The following RETNLB variants were observed in gnomAD, a reference collection of about 807,000 sequenced individuals.
RETNLB encodes the protein resistin-like beta.
Under a neutral mutation model 6.8 loss-of-function variants are expected in RETNLB, and 11 were observed. The observed-to-expected ratio is 1.62, with a 90% CI of 1.02 to 2.68. The LOEUF is 2.68. Ranked by LOEUF, RETNLB falls within the 30% of genes most tolerant of loss-of-function variation. The pLI is 0.00. For missense variants in RETNLB, 146 were observed against 135.7 expected (o/e 1.08, Z -0.38); for synonymous variants, 57 against 54.2 (o/e 1.05, Z -0.23).
At position 108,755,908 on chromosome 3, in the gene RETNLB, G is replaced by A; in HGVS notation, c.209-3C>T. 6.2e-7 allele frequency: 1 copy of A among 1,614,158 alleles called. No homozygotes were observed. Among genetic ancestry groups the A allele is most frequent in the Non-Finnish European group, 8.5e-7 (1 of 1,180,028 alleles). On this transcript the variant is annotated splice_region_variant and splice_polypyrimidine_tract_variant and intron_variant, in intron 2 of 2. Transcript: ENST00000295755. ...AGCACAGCCAGTGACAGCCATCCCT[G>A]CATGAGCACATGAAGCACAGACATC...
intron 2 of RETNLB, 61 bp downstream of exon 2, chr3:108,756,447 A>C: frequency 1.8e-6 from 2 of 1,105,856 alleles, no homozygotes; most frequent in Non-Finnish European, 2.8e-6. Context: ...AGGTGCAGGG[A>C]GATGGACAGG....
At chr3:108,755,954 G>A in intron 2 of RETNLB, 49 bp from the exon 3 acceptor site, 2 of 1,612,152 alleles carry the variant, frequency 1.2e-6, no homozygotes, top group Non-Finnish European at 1.7e-6. Context: ...GAATTTAAGA[G>A]GAGGAAGGGC....
rs75657243 is a variant in RETNLB, at chr3:108,755,720, G to T, written c.*58C>A. The T allele has an allele frequency of 0.091, 144,855 of 1,584,364 alleles. 11,855 individuals are homozygous for T. Among genetic ancestry groups the T allele is most frequent in the East Asian group, 0.52 (23,298 of 44,378 alleles). ...GACGTTTGAGTTAGATTTCTTGGTTGGGACCCTGGTTTCATTACTGTCATG... is the reference window on the plus strand; with the variant it reads ...GACGTTTGAGTTAGATTTCTTGGTTTGGACCCTGGTTTCATTACTGTCATG... On this transcript the variant is annotated 3_prime_UTR_variant, in exon 3 of 3. Coordinates refer to ENST00000295755, the MANE Select transcript of RETNLB (RefSeq NM_032579.3).
Position 108,757,239 on chromosome 3 carries a change from A to G in RETNLB, c.-54T>C. On this transcript the variant is annotated 5_prime_UTR_variant, in exon 1 of 3. Transcript: ENST00000295755. ...GGAGAAAAGATGGAAAGCAGCTTAG[A>G]TCTCTGAGCTCCTGGGTGGTGGTGA... The G allele has an allele frequency of 6.4e-7, 1 of 1,573,656 alleles. No homozygotes were observed. Among genetic ancestry groups the G allele is most frequent in the South Asian group, 1.2e-5 (1 of 82,438 alleles).
In RETNLB at chr3:108,756,525, G is replaced by T. The variant is rs145443805; in HGVS notation, c.191C>A (p.Pro64Gln). 10 of 1,611,824 alleles carry T rather than the reference G, an allele frequency of 6.2e-6. No individual in the cohort carries two copies. In the East Asian group the frequency reaches 8.9e-5, roughly 14 times the overall value. Residue 64 changes from proline to glutamine, a missense_variant, in exon 2 of 3, where the codon CCG (proline) becomes CAG (glutamine). Transcript: ENST00000295755. ...SCASVKSQGR[P>Q]SSCPAGMAVT... ...TTACTCACCAGCAGGGCAGGAGGAC[G>T]GTCTGCCTTGGCTTTTGACACTAGC...
chr3:108,756,773 G>T, intron 1 of RETNLB, 185 bp from the exon 2 acceptor site: 1 of 597,590 alleles, frequency 1.7e-6, no homozygotes. Context: ...CTCATAAAAT[G>T]GTTGTGGGAA....
rs1559805690 is a variant in RETNLB, at chr3:108,757,047, C to G, written c.127+12G>C. On this transcript the variant is annotated intron_variant, in intron 1 of 2. Transcript: ENST00000295755. Reference sequence around the variant, plus strand: ...GGGTCAACCCCCCGCTTCCCCTACCCCAGTCAGTTACCTAGACTGTTGAGA... The same window carrying G: ...GGGTCAACCCCCCGCTTCCCCTACCGCAGTCAGTTACCTAGACTGTTGAGA... The G allele has an allele frequency of 9.3e-6, 15 of 1,611,894 alleles. No homozygotes were observed. Among genetic ancestry groups the G allele is most frequent in the South Asian group, 3.3e-5 (3 of 90,538 alleles).
chr3:108,756,209 G>A (rs1945249323), intron 2 of RETNLB, among the ~76,000 whole-genome samples: 1 of 152,162 alleles, frequency 6.6e-6, no homozygotes, highest in Non-Finnish European at 1.5e-5. Flanking sequence ...CAGAGGAATA[G>A]ATTGGAAAGA....
rs1307121978 is a variant in RETNLB at position 108,755,833 on chromosome 3, T to A, written c.281A>T (p.His94Leu). ...SWDVQLETTC[H>L]CQCSVVDWTT... is the part of the protein sequence containing the mutation. ...CCAGTCCACCACACTGCACTGGCAG[T>A]GGCAGGTGGTTTCCAGCTGAACATC... The change falls in exon 3 of 3, where the codon CAC (histidine) becomes CTC (leucine). Residue 94 changes from histidine to leucine, a missense_variant. By Grantham distance (99) the His-to-Leu change is moderately conservative. Coordinates refer to ENST00000295755, the MANE Select transcript of RETNLB (RefSeq NM_032579.3). 6.2e-7 allele frequency: 1 copy of A among 1,614,018 alleles called. No homozygotes were observed. The highest frequency in any genetic ancestry group is 1.7e-5 in the Admixed American group (1 of 59,990).
In RETNLB at chr3:108,757,280, G is replaced by A. The variant is rs975666707; in HGVS notation, c.-95C>T. On this transcript the variant is annotated 5_prime_UTR_variant, in exon 1 of 3. In the 5' UTR this introduces an upstream ATG that the reference lacks. Transcript: ENST00000295755. ...GTGGTGGTGAAGGAAAGAAGACAAC[G>A]TGGTTAGTTTCCAGGGAGTAAAGAT... 2.8e-6 allele frequency: 4 copies of A among 1,437,598 alleles called. No individual in the cohort carries two copies. Among genetic ancestry groups the A allele is most frequent in the Admixed American group, 2.1e-5 (1 of 48,568 alleles). The allele number at this position is 1,437,598 out of a possible 1,614,324, so 89.1% of individuals were successfully genotyped here.
At chr3:108,757,023 G>C (rs762765677) in intron 1 of RETNLB, 36 bp downstream of exon 1, 3 of 1,600,804 alleles carry the variant, frequency 1.9e-6, no homozygotes, top group African/African-American at 2.7e-5. Context: ...AATGAGCAAG[G>C]GTCAACCCCC....
chr3:108,755,949 T>C (rs1174754351), intron 2 of RETNLB, 44 bp from the exon 3 acceptor site: 1 of 1,612,962 alleles, frequency 6.2e-7, no homozygotes, highest in Non-Finnish European at 8.5e-7. Flanking sequence ...TCTTGGAATT[T>C]AAGAGGAGGA....
chr3:108,756,780 G>A (rs1478983777), intron 1 of RETNLB, 192 bp from the exon 2 acceptor site: 1 of 595,360 alleles, frequency 1.7e-6, no homozygotes, highest in Non-Finnish European at 3.0e-6. Context: ...AATGGTTGTG[G>A]GAATTAAATG....
At chr3:108,756,018 G>A in intron 2 of RETNLB, 113 bp from the exon 3 acceptor site, 1 of 1,199,384 alleles carries the variant, frequency 8.3e-7, no homozygotes, top group Non-Finnish European at 1.2e-6. Context: ...TAGGTTTCGT[G>A]GGGCCTCAAG....
chr3:108,756,279 G>T (rs1203769302), intron 2 of RETNLB, among the ~76,000 whole-genome samples: 2 of 152,154 alleles, frequency 1.3e-5, no homozygotes, highest in Non-Finnish European at 1.5e-5. Flanking sequence ...AGAAACAGGG[G>T]CATGAAGTGA....
chr3:108,757,302 A>G lies in RETNLB; in HGVS notation c.-117T>C, dbSNP rs747344115. 26 of 1,231,096 alleles carry G rather than the reference A, an allele frequency of 2.1e-5. No homozygotes were observed. Among genetic ancestry groups the G allele is most frequent in the Non-Finnish European group, 2.8e-5 (25 of 892,236 alleles). The allele number at this position is 1,231,096 out of a possible 1,614,324, so 76.3% of individuals were successfully genotyped here. A position where few individuals can be genotyped will look rare whatever the true frequency, so the allele number is the denominator to read the frequency against. ...AACGTGGTTAGTTTCCAGGGAGTAA[A>G]GATGGAAGAACAGCGTCATCAGTAC... On this transcript the variant is annotated 5_prime_UTR_variant, in exon 1 of 3. Coordinates refer to ENST00000295755, the MANE Select transcript of RETNLB (RefSeq NM_032579.3).
In RETNLB at chr3:108,756,561, T is replaced by G. The variant is rs766537740; in HGVS notation, c.155A>C (p.Lys52Thr). 2.5e-6 allele frequency: 4 copies of G among 1,613,178 alleles called. No individual in the cohort carries two copies. In the Admixed American group the frequency reaches 5.0e-5, roughly 20 times the overall value. Residue 52 changes from lysine to threonine, a missense_variant, in exon 2 of 3, where the codon AAG becomes ACG. Physicochemically the swap from Lys to Thr is moderately conservative, Grantham distance 78. Transcript: ENST00000295755. ...LEYSPSPISK[K>T]LSCASVKSQG... ...GCTTTTGACACTAGCACACGAGAGC[T>G]TCTTGCTTATAGGAGAGGGACTGTA...
chr3:108,755,734 A>T lies in RETNLB; in HGVS notation c.*44T>A. 1.3e-6 allele frequency: 2 copies of T among 1,598,536 alleles called. No individual in the cohort carries two copies. Among genetic ancestry groups the T allele is most frequent in the Non-Finnish European group, 8.6e-7 (1 of 1,167,674 alleles). On this transcript the variant is annotated 3_prime_UTR_variant, in exon 3 of 3. Coordinates refer to ENST00000295755, the MANE Select transcript of RETNLB (RefSeq NM_032579.3). Reference sequence around the variant, plus strand: ...ATTTCTTGGTTGGGACCCTGGTTTCATTACTGTCATGGTCACAAAACTGAG... The same window carrying T: ...ATTTCTTGGTTGGGACCCTGGTTTCTTTACTGTCATGGTCACAAAACTGAG...
chr3:108,755,990 T>A (rs1389866111), intron 2 of RETNLB, 85 bp from the exon 3 acceptor site: 9 of 1,544,030 alleles, frequency 5.8e-6, no homozygotes, highest in Non-Finnish European at 3.6e-6. Context: ...TTCAACCCTG[T>A]GCAGTCAGGG....
Sources: gnomAD v4.1 joint callset for allele counts (sites outside exome capture counted in the v4.1 genomes callset) on GRCh38, gnomAD v4.1.1 for gene constraint, MANE v1.5 for transcripts, NCBI Gene and HGNC (gene_info 2026-07-23, HGNC 2026-07-21) for gene names.